The following TTC7B variants were observed in gnomAD, a reference collection of about 807,000 sequenced individuals.
TTC7B encodes the protein tetratricopeptide repeat protein 7B.
A neutral mutation model predicts 106.8 loss-of-function variants in TTC7B; 28 were observed. That is an observed-to-expected ratio of 0.26 (90% confidence interval 0.19 to 0.36). The LOEUF (loss-of-function observed/expected upper bound fraction) is 0.36. Among genes scored for constraint, TTC7B ranks in the 10% least tolerant of loss-of-function variants. TTC7B has a pLI of 1.00. For missense variants in TTC7B, 862 were observed against 1,076.4 expected (o/e 0.80, Z 2.79); for synonymous variants, 405 against 430.6 (o/e 0.94, Z 0.74).
intron 15 of TTC7B, among the ~76,000 whole-genome samples, chr14:90,621,644 G>A (rs1884193599): frequency 6.6e-6 from 1 of 152,238 alleles, no homozygotes; most frequent in Admixed American, 6.5e-5. Flanking sequence ...CCACACAATT[G>A]TAGGCAGTAC....
Position 90,624,615 on chromosome 14 carries a change from G to A in TTC7B, c.1752-6570C>T, listed in dbSNP as rs1041869706. Among the ~76,000 whole-genome samples, 4 of 152,230 alleles carry A rather than the reference G, an allele frequency of 2.6e-5. No homozygotes were observed. Among genetic ancestry groups the A allele is most frequent in the African/African-American group, 7.2e-5 (3 of 41,456 alleles). ...GGCAGATATTTCTGAATTCTGAGCC[G>A]TCCGAAGAACTCTCGATGAAAATAA... is the stretch of plus-strand genomic sequence containing the variant. On this transcript the variant is annotated intron_variant, in intron 15 of 19. Coordinates refer to ENST00000328459, the MANE Select transcript of TTC7B (RefSeq NM_001010854.2). This position sits in a 1 kb window ranked among gnomAD's most constrained non-coding sequence, Gnocchi z 4.0.
intron 6 of TTC7B, among the ~76,000 whole-genome samples, chr14:90,694,988 A>AT (rs1887653345): frequency 7.5e-6 from 1 of 133,274 alleles, no homozygotes; most frequent in African/African-American, 2.7e-5. Context: ...ACATATATTT[A>AT]TAACACATAT....
At position 90,777,326 on chromosome 14, in the gene TTC7B, G is replaced by A. The variant is rs77963119; in HGVS notation, c.445+3412C>T. On this transcript the variant is annotated intron_variant, in intron 3 of 19. Transcript: ENST00000328459. ...GCACGCAGGAATCTCTCAGTACACC[G>A]TGGCCACTGCTACGCTTCTGCATAA... Among the ~76,000 whole-genome samples, 238 of 152,208 alleles carry A rather than the reference G, an allele frequency of 1.6e-3. 2 individuals are homozygous for A. Among genetic ancestry groups the A allele is most frequent in the East Asian group, 0.012 (62 of 5,174 alleles).
rs773457471 is a variant in TTC7B at position 90,532,468 on chromosome 14, G to A, written c.*8900C>T. On this transcript the variant is annotated 3_prime_UTR_variant, in exon 20 of 20. Coordinates refer to ENST00000328459, the MANE Select transcript of TTC7B (RefSeq NM_001010854.2). Reference sequence around the variant, plus strand: ...CTGGTACAAAGTGGCAGAACCTGACGCTTTTGGGCTTCTGCTCACCATCCC... The same window carrying A: ...CTGGTACAAAGTGGCAGAACCTGACACTTTTGGGCTTCTGCTCACCATCCC... 9 of 152,152 alleles carry A rather than the reference G, an allele frequency of 5.9e-5. No individual in the cohort carries two copies. The highest frequency in any genetic ancestry group is 2.2e-4 in the African/African-American group (9 of 41,444). 9.4% of individuals were successfully genotyped at this position (152,152 alleles called of 1,614,324 possible).
At chr14:90,803,142 C>CAA in intron 1 of TTC7B, among the ~76,000 whole-genome samples, 1 of 139,486 alleles carries the variant, frequency 7.2e-6, no homozygotes, top group East Asian at 2.1e-4. Context: ...GACTCCGATG[C>CAA]AAAAAAAAAA....
intron 3 of TTC7B, among the ~76,000 whole-genome samples, chr14:90,760,748 G>A (rs930467914): frequency 2.6e-5 from 4 of 152,170 alleles, no homozygotes; most frequent in African/African-American, 9.7e-5. Context: ...CTCTAGCCAT[G>A]CCCTCCAAAT....
At position 90,669,409 on chromosome 14, in the gene TTC7B, G is replaced by A. The variant is rs146519510; in HGVS notation, c.1152+7114C>T. On this transcript the variant is annotated intron_variant, in intron 9 of 19. Coordinates refer to ENST00000328459, the MANE Select transcript of TTC7B (RefSeq NM_001010854.2). The stretch of plus-strand genomic sequence containing the variant: ...TTTTGCACATCAAAAGACATTTCAA[G>A]AAAGTGAAGCTGGGCATGGTAGCTC... 4.9e-4 allele frequency among the ~76,000 whole-genome samples: 75 copies of A among 152,192 alleles called. No individual in the cohort carries two copies. The Middle Eastern group carries it at 0.014, about 28-fold the overall frequency.
chr14:90,674,586 G>A (rs1302585577), intron 9 of TTC7B, among the ~76,000 whole-genome samples: 2 of 152,232 alleles, frequency 1.3e-5, no homozygotes, highest in African/African-American at 4.8e-5. Flanking sequence ...TTGTGAGCAG[G>A]GGCCACACCT....
intron 19 of TTC7B, among the ~76,000 whole-genome samples, chr14:90,556,543 C>T (rs1454182579): frequency 1.3e-5 from 2 of 152,138 alleles, no homozygotes; most frequent in African/African-American, 2.4e-5. Context: ...TCTACATTTC[C>T]CTGGTTGACT....
At chr14:90,576,228 G>C (rs1891258904) in intron 19 of TTC7B, among the ~76,000 whole-genome samples, 1 of 151,994 alleles carries the variant, frequency 6.6e-6, no homozygotes, top group Non-Finnish European at 1.5e-5. Context: ...TTAATAAAAA[G>C]GCTGGGACAT....
chr14:90,708,108 T>C (rs1888285193), intron 5 of TTC7B, among the ~76,000 whole-genome samples: 1 of 129,318 alleles, frequency 7.7e-6, no homozygotes, highest in Non-Finnish European at 1.5e-5. Flanking sequence ...GTCACACCAC[T>C]GCACTCCAGC....
intron 19 of TTC7B, among the ~76,000 whole-genome samples, chr14:90,565,470 C>T (rs954658165): frequency 1.4e-5 from 2 of 140,308 alleles, no homozygotes; most frequent in Non-Finnish European, 3.0e-5. Flanking sequence ...GGCGTGATCT[C>T]GGCTCACTGC....
At chr14:90,555,981 C>T (rs996112930) in intron 19 of TTC7B, among the ~76,000 whole-genome samples, 1 of 152,232 alleles carries the variant, frequency 6.6e-6, no homozygotes, top group African/African-American at 2.4e-5. Context: ...GAGCTCCCTG[C>T]CGGCTGCAGC....
intron 9 of TTC7B, 42 bp from the exon 10 acceptor site, chr14:90,658,429 C>T (rs764796046): frequency 3.8e-6 from 6 of 1,565,864 alleles, no homozygotes; most frequent in East Asian, 2.2e-5. Context: ...CTGAGAATCA[C>T]TGGTGCCACA....
At chr14:90,646,748 C>G in intron 14 of TTC7B, 1 of 573,322 alleles carries the variant, frequency 1.7e-6, no homozygotes, top group Non-Finnish European at 3.1e-6. Flanking sequence ...ATAGCAGAGC[C>G]TGGAACTCCT....
At chr14:90,775,650 G>A (rs1891003556) in intron 3 of TTC7B, among the ~76,000 whole-genome samples, 1 of 152,110 alleles carries the variant, frequency 6.6e-6, no homozygotes, top group Non-Finnish European at 1.5e-5. Flanking sequence ...CAGCTTGACG[G>A]AAAAATTTCC....
At chr14:90,648,361 T>C (rs1303971971) in intron 13 of TTC7B, 1 of 152,256 alleles carries the variant, frequency 6.6e-6, no homozygotes, top group Non-Finnish European at 1.5e-5. Flanking sequence ...TTTTTTCTTT[T>C]TCTTTTTCAG....
intron 1 of TTC7B, among the ~76,000 whole-genome samples, chr14:90,790,191 A>G (rs1386569692): frequency 6.6e-6 from 1 of 152,116 alleles, no homozygotes; most frequent in Non-Finnish European, 1.5e-5. Context: ...CTTAGTGTAA[A>G]CAATAGGAAT....
Position 90,759,729 on chromosome 14 carries a change from G to A in TTC7B, c.446-14807C>T, listed in dbSNP as rs1015629611. Among the ~76,000 whole-genome samples, 4 of 152,228 alleles carry A rather than the reference G, an allele frequency of 2.6e-5. No individual in the cohort carries two copies. The highest frequency in any genetic ancestry group is 9.6e-5 in the African/African-American group (4 of 41,462). ...CCAAACCAAAACCTATTCTGAAATG[G>A]AGTGGATCTCAGAATATACTGAGAA... is the stretch of plus-strand genomic sequence containing the variant. On this transcript the variant is annotated intron_variant, in intron 3 of 19. Transcript: ENST00000328459. This position sits in a 1 kb window ranked among gnomAD's most constrained non-coding sequence, Gnocchi z 4.1.
Sources: gnomAD v4.1 joint callset for allele counts (sites outside exome capture counted in the v4.1 genomes callset) on GRCh38, gnomAD v4.1.1 for gene constraint, Gnocchi (gnomAD v3.1) non-coding constraint, MANE v1.5 for transcripts, NCBI Gene and HGNC (gene_info 2026-07-23, HGNC 2026-07-21) for gene names.